Variants in CALN1 observed in about 807,000 individuals in gnomAD.
The protein encoded by CALN1 is calcium-binding protein 8.
A neutral mutation model predicts 30.6 loss-of-function variants in CALN1; 17 were observed. That is an observed-to-expected ratio of 0.56 (90% CI 0.38 to 0.83). The LOEUF is 0.83. Ranked by LOEUF, CALN1 falls within the 40% of genes least tolerant of loss-of-function variation. The pLI is 0.00. For synonymous variants in CALN1, 156 were observed against 131.4 expected, an observed-to-expected ratio of 1.19 and a Z score of -1.28; for missense variants, 291 against 354.9, an observed-to-expected ratio of 0.82 and a Z score of 1.45.
chr7:72,258,897 T>TAA (rs796340783), intron 3 of CALN1, among the ~76,000 whole-genome samples: 1 of 132,718 alleles, frequency 7.5e-6, no homozygotes, highest in Admixed American at 7.7e-5. Flanking sequence ...TACTAAAAAG[T>TAA]AAAAAAAAAA....
chr7:72,241,833 A>G (rs1794857526), intron 3 of CALN1, among the ~76,000 whole-genome samples: 1 of 152,200 alleles, frequency 6.6e-6, no homozygotes, highest in African/African-American at 2.4e-5. Context: ...CCATCTAAAA[A>G]GTAAAGGCCA....
rs146500332 is a variant in CALN1 at position 72,347,170 on chromosome 7, C to T, written c.119+56081G>A. On this transcript the variant is annotated intron_variant, in intron 2 of 6. Coordinates refer to ENST00000395275, the MANE Select transcript of CALN1 (RefSeq NM_031468.4). ...AGTCCTATAAACTCCGAATAGGATA[C>T]GTGCAATGAAATCCACATGAAAGCA... is the stretch of plus-strand genomic sequence containing the variant. Among the ~76,000 whole-genome samples the T allele has an allele frequency of 4.3e-4, 65 of 152,144 alleles. No homozygotes were observed. The East Asian group carries it at 0.012, about 28-fold the overall frequency.
At chr7:72,404,792 G>C (rs913204001) in intron 1 of CALN1, among the ~76,000 whole-genome samples, 6 of 152,328 alleles carry the variant, frequency 3.9e-5, no homozygotes, top group Non-Finnish European at 8.8e-5. Context: ...GGCTTGAAGA[G>C]CTGTATGTGG....
chr7:71,882,956 C>A (rs1233776799), intron 5 of CALN1, among the ~76,000 whole-genome samples: 1 of 151,930 alleles, frequency 6.6e-6, no homozygotes, highest in Non-Finnish European at 1.5e-5. Context: ...TTCAAGCAAT[C>A]CCTCCACCTC....
At chr7:72,042,718 AGAGT>A (rs1802207520) in intron 4 of CALN1, among the ~76,000 whole-genome samples, 1 of 152,208 alleles carries the variant, frequency 6.6e-6, no homozygotes, top group Admixed American at 6.5e-5. Flanking sequence ...CCTGGGCACC[AGAGT>A]GAGACTTTAC....
intron 3 of CALN1, among the ~76,000 whole-genome samples, chr7:72,171,683 G>T (rs1242522694): frequency 6.6e-6 from 1 of 152,080 alleles, no homozygotes; most frequent in Non-Finnish European, 1.5e-5. Context: ...AGAGATTTTT[G>T]AAGATCTTTG....
intron 5 of CALN1, among the ~76,000 whole-genome samples, chr7:71,954,019 AT>A (rs1386212790): frequency 2.0e-5 from 3 of 152,154 alleles, no homozygotes; most frequent in Non-Finnish European, 2.9e-5. Flanking sequence ...TGAATTCACT[AT>A]TGCTAGAGAA....
At chr7:72,009,444 G>A (rs1799949151) in intron 5 of CALN1, among the ~76,000 whole-genome samples, 1 of 152,064 alleles carries the variant, frequency 6.6e-6, no homozygotes, top group South Asian at 2.1e-4. Flanking sequence ...TTTAATAATA[G>A]GAAATCTATT....
rs188514240 is a variant in CALN1 at position 72,237,159 on chromosome 7, T to C, written c.244+41527A>G. The stretch of plus-strand genomic sequence containing the variant: ...GCCACCACACCTGGCTAATTTTCTA[T>C]TTTTAGTAGAGACGGCGTTTCACCA... On this transcript the variant is annotated intron_variant, in intron 3 of 6. Transcript: ENST00000395275. Among the ~76,000 whole-genome samples, 1,087 of 152,148 alleles carry C rather than the reference T, an allele frequency of 7.1e-3. 18 individuals are homozygous for C. Among genetic ancestry groups the C allele is most frequent in the African/African-American group, 0.025 (1,033 of 41,490 alleles).
At chr7:72,349,344 A>C (rs1287886587) in intron 2 of CALN1, among the ~76,000 whole-genome samples, 1 of 151,478 alleles carries the variant, frequency 6.6e-6, no homozygotes, top group Non-Finnish European at 1.5e-5. Flanking sequence ...AAACAGAAAA[A>C]AGTATTTGAA....
Position 71,842,382 on chromosome 7 carries a change from G to A in CALN1, c.502-31890C>T, listed in dbSNP as rs79629109. Among the ~76,000 whole-genome samples the A allele has an allele frequency of 0.01, 1,565 of 152,276 alleles. 71 individuals carry two copies. In the East Asian group the frequency reaches 0.12, roughly 12 times the overall value. On this transcript the variant is annotated intron_variant, in intron 5 of 6. Transcript: ENST00000395275. ...CCCAAATTTCTCCCTGATGTTGATCGCTGCCGTTTTGTCTGGGTTCTTAGA... is the reference window on the plus strand; with the variant it reads ...CCCAAATTTCTCCCTGATGTTGATCACTGCCGTTTTGTCTGGGTTCTTAGA...
intron 3 of CALN1, among the ~76,000 whole-genome samples, chr7:72,222,222 T>C (rs1352412790): frequency 7.9e-6 from 1 of 125,926 alleles, no homozygotes; most frequent in African/African-American, 3.3e-5. Flanking sequence ...CGAGACTCCG[T>C]CTCAAAAAAA....
intron 2 of CALN1, chr7:72,336,942 A>G: frequency 1.0e-6 from 1 of 984,758 alleles, no homozygotes; most frequent in South Asian, 4.7e-5. Flanking sequence ...GACCTGCACG[A>G]GCCCCCTCGT....
chr7:72,290,603 CAG>C (rs1798410803), intron 2 of CALN1, among the ~76,000 whole-genome samples: 1 of 152,324 alleles, frequency 6.6e-6, no homozygotes, highest in East Asian at 1.9e-4. Context: ...TTAAAATACC[CAG>C]AGTGGTTACT....
intron 5 of CALN1, among the ~76,000 whole-genome samples, chr7:71,986,064 T>C (rs1052225204): frequency 6.6e-6 from 1 of 151,984 alleles, no homozygotes; most frequent in Non-Finnish European, 1.5e-5. Flanking sequence ...CTCTTTTTTT[T>C]TTGAGACAGA....
intron 3 of CALN1, among the ~76,000 whole-genome samples, chr7:72,168,419 T>C (rs899546160): frequency 6.6e-6 from 1 of 152,180 alleles, no homozygotes; most frequent in Non-Finnish European, 1.5e-5. Context: ...GTATTTATGT[T>C]TGGCATCAGT....
At chr7:71,899,550 T>C (rs1414251851) in intron 5 of CALN1, among the ~76,000 whole-genome samples, 3 of 152,188 alleles carry the variant, frequency 2.0e-5, no homozygotes, top group Non-Finnish European at 2.9e-5. Flanking sequence ...AATAAATATT[T>C]AGACAGGGAT....
the CALN1 span, among the ~76,000 whole-genome samples, chr7:72,469,544 ACAC>A: frequency 6.6e-6 from 1 of 152,072 alleles, no homozygotes; most frequent in Non-Finnish European, 1.5e-5. Context: ...TTACAGGCAC[ACAC>A]CACCACGTCC....
rs144075508 is a variant in CALN1 at position 71,845,911 on chromosome 7, G to T, written c.502-35419C>A. On this transcript the variant is annotated intron_variant, in intron 5 of 6. Transcript: ENST00000395275. The stretch of plus-strand genomic sequence containing the variant: ...TTTACTAAAAATACAAAAATTAGCT[G>T]GGCATGGGGTGCACACCTGTAATCC... 9.0e-4 allele frequency among the ~76,000 whole-genome samples: 137 copies of T among 152,144 alleles called. No individual in the cohort carries two copies. The East Asian group carries it at 0.023, about 26-fold the overall frequency.
Sources: gnomAD v4.1 joint callset for allele counts (sites outside exome capture counted in the v4.1 genomes callset) on GRCh38, gnomAD v4.1.1 for gene constraint, MANE v1.5 for transcripts, NCBI Gene and HGNC (gene_info 2026-07-23, HGNC 2026-07-21) for gene names.